The following ELL2 variants were observed in gnomAD, a reference collection of about 807,000 sequenced individuals.
ELL2 encodes RNA polymerase II elongation factor ELL2.
A neutral mutation model predicts 72.8 loss-of-function variants in ELL2; 21 were observed. That is an observed-to-expected ratio of 0.29 (90% CI 0.20 to 0.42). The LOEUF is 0.42. Ranked by LOEUF, ELL2 falls within the 10% of genes least tolerant of loss-of-function variation. The probability of loss-of-function intolerance (pLI) is 1.00; values close to 1 mark genes in which losing one functional copy is unlikely to be tolerated. For synonymous variants in ELL2, 266 were observed against 283.2 expected, an observed-to-expected ratio of 0.94 and a Z score of 0.61; for missense variants, 568 against 772.8, an observed-to-expected ratio of 0.73 and a Z score of 3.14.
intron 9 of ELL2, among the ~76,000 whole-genome samples, chr5:95,894,410 C>T (rs1490972294): frequency 1.3e-5 from 2 of 152,206 alleles, no homozygotes; most frequent in Admixed American, 1.3e-4. Context: ...AAGAGCACTG[C>T]ATTGGCAGTT....
intron 5 of ELL2, among the ~76,000 whole-genome samples, chr5:95,902,737 A>G (rs1030036377): frequency 7.2e-5 from 11 of 152,152 alleles, no homozygotes; most frequent in African/African-American, 2.7e-4. Flanking sequence ...AGATTTCTTG[A>G]GGTGGAATAA....
At chr5:95,918,632 G>A (rs535729550) in intron 3 of ELL2, among the ~76,000 whole-genome samples, 2 of 152,118 alleles carry the variant, frequency 1.3e-5, no homozygotes, top group African/African-American at 4.8e-5. Context: ...ACAGAGATAC[G>A]CTGGTCTAGG....
chr5:95,895,633 A>G lies in ELL2; in HGVS notation c.1584T>C (p.Tyr528=). The G allele has an allele frequency of 1.2e-6, 2 of 1,613,956 alleles. No homozygotes were observed. Residue 528 remains tyrosine (Y), a synonymous_variant, in exon 9 of 12, where the codon TAT becomes TAC. Coordinates refer to ENST00000237853, the MANE Select transcript of ELL2 (RefSeq NM_012081.6). The stretch of plus-strand genomic sequence containing the variant: ...TGGCAGACATATGAACTTACATCAA[A>G]TAATCTGGGAGTTCAATTGCTGAAG... The part of the protein sequence containing the change: ...MEPSAIELPD[Y]LIKYIAIVSY...
At chr5:95,926,225 G>C (rs1399858040) in intron 2 of ELL2, among the ~76,000 whole-genome samples, 1 of 151,474 alleles carries the variant, frequency 6.6e-6, no homozygotes, top group East Asian at 1.9e-4. Flanking sequence ...AACCAATGCT[G>C]AAGGGTGGAG....
At position 95,898,432 on chromosome 5, in the gene ELL2, G is replaced by A; in HGVS notation, c.1333C>T (p.Leu445=). The A allele has an allele frequency of 6.2e-7, 1 of 1,613,578 alleles. No individual in the cohort carries two copies. Among genetic ancestry groups the A allele is most frequent in the Non-Finnish European group, 8.5e-7 (1 of 1,179,888 alleles). The change falls in exon 8 of 12, where the codon CTA becomes TTA. Residue 445 remains leucine, a synonymous_variant. Coordinates refer to ENST00000237853, the MANE Select transcript of ELL2 (RefSeq NM_012081.6). ...LETLPPGSVL[L]KCPKPMEENH... ...TCTTCCATAGGCTTTGGACACTTTA[G>A]TAGAACGGAACCAGGGGGTAAGGTT...
intron 3 of ELL2, among the ~76,000 whole-genome samples, chr5:95,915,526 G>A (rs750193978): frequency 6.6e-6 from 1 of 152,224 alleles, no homozygotes; most frequent in Non-Finnish European, 1.5e-5. Flanking sequence ...CTAGCAATGT[G>A]TGAAGCAGAG....
At chr5:95,903,208 C>CTTT (rs35628427) in intron 5 of ELL2, among the ~76,000 whole-genome samples, 17 of 56,170 alleles carry the variant, frequency 3.0e-4, no homozygotes, top group Non-Finnish European at 4.0e-4. Flanking sequence ...CTCTTAGGAC[C>CTTT]TTTTTTTTTT....
At position 95,891,251 on chromosome 5, in the gene ELL2, T is replaced by G; in HGVS notation, c.1613A>C (p.Tyr538Ser). Reference protein sequence around the residue: ...YLIKYIAIVSYEQRQNYKDDF... With the variant: ...YLIKYIAIVSSEQRQNYKDDF... Reference sequence around the variant, plus strand: ...ATCCTTATAATTCTGGCGTTGCTCATAGGAGACGATAGCGATATATTTTCT... The same window carrying G: ...ATCCTTATAATTCTGGCGTTGCTCAGAGGAGACGATAGCGATATATTTTCT... The change falls in exon 10 of 12, where the codon TAT (tyrosine) becomes TCT (serine). Residue 538 changes from tyrosine to serine, a missense_variant. Physicochemically the swap from Tyr to Ser is moderately radical, Grantham distance 144. Transcript: ENST00000237853. The G allele has an allele frequency of 2.5e-6, 4 of 1,610,548 alleles. No homozygotes were observed. Among genetic ancestry groups the G allele is most frequent in the Non-Finnish European group, 3.4e-6 (4 of 1,178,788 alleles).
chr5:95,956,987 CTTAAAGGCATCTGCT>C (rs1751650004), intron 1 of ELL2, among the ~76,000 whole-genome samples: 1 of 152,204 alleles, frequency 6.6e-6, no homozygotes, highest in Non-Finnish European at 1.5e-5. Context: ...CAGAATCCCA[CTTAAAGGCATCTGCT>C]TTCTGATCTT....
At chr5:95,948,826 A>G (rs1212507547) in intron 1 of ELL2, among the ~76,000 whole-genome samples, 1 of 152,218 alleles carries the variant, frequency 6.6e-6, no homozygotes, top group Non-Finnish European at 1.5e-5. Context: ...TCTATTTCCA[A>G]CCAAGAACAC....
At chr5:95,892,978 C>T (rs541515606) in intron 9 of ELL2, among the ~76,000 whole-genome samples, 52 of 152,046 alleles carry the variant, frequency 3.4e-4, no homozygotes, top group Admixed American at 5.9e-4. Context: ...GAGGGAGCCC[C>T]GGGGTAAAAA....
intron 2 of ELL2, among the ~76,000 whole-genome samples, chr5:95,937,503 C>CAAA (rs11436515): frequency 1.5e-5 from 2 of 135,000 alleles, no homozygotes; most frequent in African/African-American, 5.3e-5. Flanking sequence ...GACTCCGTCT[C>CAAA]AAAAAAAAAA....
At chr5:95,942,952 T>C (rs768368116) in intron 2 of ELL2, 50 bp downstream of exon 2, 2 of 1,400,692 alleles carry the variant, frequency 1.4e-6, no homozygotes, top group Admixed American at 4.7e-5. Context: ...AAAAGTTGAA[T>C]AGCGTGCAAG....
chr5:95,961,640 T>C lies in ELL2; in HGVS notation c.82A>G (p.Thr28Ala). The C allele has an allele frequency of 6.2e-7, 1 of 1,609,812 alleles. No individual in the cohort carries two copies. The highest frequency in any genetic ancestry group is 8.5e-7 in the Non-Finnish European group (1 of 1,178,566). The change falls in exon 1 of 12, where the codon ACC becomes GCC. Residue 28 changes from threonine to alanine, a missense_variant. This residue lies in a region of ELL2 where 57 missense variants were observed against 44.4 expected (regional missense o/e 1.28). Transcript: ENST00000237853. The stretch of plus-strand genomic sequence containing the variant: ...TCGGTGAGCTTCACATGCAGTACGG[T>C]GATGTTGTCCTGCCCCAGCCGTCCG... Reference protein sequence around the residue: ...SCGRLGQDNITVLHVKLTETA... With the variant: ...SCGRLGQDNIAVLHVKLTETA...
chr5:95,936,904 C>G (rs1750796567), intron 2 of ELL2, among the ~76,000 whole-genome samples: 1 of 152,138 alleles, frequency 6.6e-6, no homozygotes, highest in Admixed American at 6.5e-5. Flanking sequence ...CAATTAGTGA[C>G]AAATTTTATC....
chr5:95,943,940 A>T (rs1050990178), intron 1 of ELL2, among the ~76,000 whole-genome samples: 2 of 152,238 alleles, frequency 1.3e-5, no homozygotes, highest in South Asian at 4.1e-4. Context: ...AATTGCCAAC[A>T]GAAACCCACG....
chr5:95,895,644 G>A lies in ELL2; in HGVS notation c.1573C>T (p.Leu525Phe). The change falls in exon 9 of 12, where the codon CTC becomes TTC. Residue 525 changes from leucine to phenylalanine, a missense_variant. Coordinates refer to ENST00000237853, the MANE Select transcript of ELL2 (RefSeq NM_012081.6). ...TASMEPSAIE[L>F]PDYLIKYIAI... ...TGAACTTACATCAAATAATCTGGGA[G>A]TTCAATTGCTGAAGGTTCCATGGAG... 1.2e-6 allele frequency: 2 copies of A among 1,613,966 alleles called. No homozygotes were observed. Among genetic ancestry groups the A allele is most frequent in the South Asian group, 1.1e-5 (1 of 91,086 alleles).
intron 4 of ELL2, among the ~76,000 whole-genome samples, chr5:95,910,099 T>C (rs1472617567): frequency 1.3e-5 from 2 of 152,180 alleles, no homozygotes; most frequent in African/African-American, 2.4e-5. Context: ...AAAATATATA[T>C]ACTGAACATT....
chr5:95,949,503 G>T (rs1310023193), intron 1 of ELL2, among the ~76,000 whole-genome samples: 3 of 152,066 alleles, frequency 2.0e-5, no homozygotes, highest in Admixed American at 2.0e-4. Context: ...TAAGGTTAGA[G>T]ATGTTTTTGA....
Sources: gnomAD v4.1 joint callset for allele counts (sites outside exome capture counted in the v4.1 genomes callset) on GRCh38, gnomAD v4.1.1 for gene constraint, gnomAD v4.1.1 regional missense constraint, MANE v1.5 for transcripts, NCBI Gene and HGNC (gene_info 2026-07-23, HGNC 2026-07-21) for gene names.